L2HGDH: variants seen among roughly 807,000 people sequenced by gnomAD.
The protein encoded by L2HGDH is L-2-hydroxyglutarate dehydrogenase.
In L2HGDH, 34 loss-of-function variants were observed where a neutral mutation model predicts 51.5. That is an observed-to-expected ratio of 0.66 (90% CI 0.50 to 0.88). L2HGDH has a LOEUF of 0.88. Among genes scored for constraint, L2HGDH ranks in the 40% least tolerant of loss-of-function variants. The pLI is 0.00. For synonymous variants in L2HGDH, 198 were observed against 197.9 expected, an observed-to-expected ratio of 1.00 and a Z score of -0.01; for missense variants, 558 against 571.9, an observed-to-expected ratio of 0.98 and a Z score of 0.25.
chr14:50,276,167 A>C (rs995321033), intron 6 of L2HGDH, among the ~76,000 whole-genome samples: 1 of 152,240 alleles, frequency 6.6e-6, no homozygotes, highest in African/African-American at 2.4e-5. Flanking sequence ...AAGTTACTGG[A>C]AACTACCTCG....
intron 1 of L2HGDH, among the ~76,000 whole-genome samples, chr14:50,310,928 TTTC>T (rs1442537467): frequency 2.8e-5 from 4 of 143,404 alleles, no homozygotes; most frequent in Non-Finnish European, 6.0e-5. Flanking sequence ...CTTTTTTTCT[TTTC>T]TTTTCTTTTT....
At position 50,252,940 on chromosome 14, in the gene L2HGDH, T is replaced by C. The variant is rs896036004; in HGVS notation, c.1197-5687A>G. Among the ~76,000 whole-genome samples the C allele has an allele frequency of 2.6e-5, 4 of 152,236 alleles. No homozygotes were observed. In the South Asian group the frequency reaches 6.2e-4, roughly 24 times the overall value. On this transcript the variant is annotated intron_variant, in intron 9 of 9. Transcript: ENST00000267436. ...TGCACTACAGAACAAATAGACCTAA[T>C]AGTTATTTACAGAACATTTCATCCA...
chr14:50,291,211 A>C (rs1441178378), intron 4 of L2HGDH, among the ~76,000 whole-genome samples: 5 of 151,234 alleles, frequency 3.3e-5, no homozygotes, highest in South Asian at 2.1e-4. Flanking sequence ...AAAAAAAAAA[A>C]AAAAAAAAAA....
chr14:50,290,008 G>A (rs1223584892), intron 4 of L2HGDH, among the ~76,000 whole-genome samples: 2 of 152,160 alleles, frequency 1.3e-5, no homozygotes, highest in Non-Finnish European at 2.9e-5. Flanking sequence ...GCTCACGCCT[G>A]TAATCCTAGC....
intron 9 of L2HGDH, 48 bp downstream of exon 9, chr14:50,265,310 T>G: frequency 6.5e-7 from 1 of 1,545,404 alleles, no homozygotes; most frequent in Non-Finnish European, 8.9e-7. Context: ...ACCTCTCAAG[T>G]TCACATAGGT....
intron 1 of L2HGDH, among the ~76,000 whole-genome samples, chr14:50,307,281 G>A (rs2030788294): frequency 6.6e-6 from 1 of 152,116 alleles, no homozygotes; most frequent in Admixed American, 6.5e-5. Flanking sequence ...CTATCATACT[G>A]AATATGCTTT....
At chr14:50,268,310 T>C (rs866766075) in intron 7 of L2HGDH, among the ~76,000 whole-genome samples, 1 of 144,930 alleles carries the variant, frequency 6.9e-6, no homozygotes, top group Non-Finnish European at 1.5e-5. Context: ...ACCCAGGAGA[T>C]GGAGGTTGCA....
rs186029584 is a variant in L2HGDH, at chr14:50,271,874, C to T, written c.739-2544G>A. On this transcript the variant is annotated intron_variant, in intron 6 of 9. Transcript: ENST00000267436. ...AAAAATCCCTGGCCAGGCGCAGTGGCTCACACCTGTAATCCCAGCACTCTG... is the reference window on the plus strand; with the variant it reads ...AAAAATCCCTGGCCAGGCGCAGTGGTTCACACCTGTAATCCCAGCACTCTG... Among the ~76,000 whole-genome samples, 285 of 152,334 alleles carry T rather than the reference C, an allele frequency of 1.9e-3. 2 individuals are homozygous for T. The highest frequency in any genetic ancestry group is 4.5e-3 in the African/African-American group (187 of 41,578).
At chr14:50,251,606 A>G (rs1024164445) in intron 9 of L2HGDH, among the ~76,000 whole-genome samples, 2 of 152,154 alleles carry the variant, frequency 1.3e-5, no homozygotes, top group African/African-American at 2.4e-5. Context: ...GGATAAAGAA[A>G]GAATTCTAAA....
intron 4 of L2HGDH, among the ~76,000 whole-genome samples, chr14:50,292,877 T>C (rs1410831518): frequency 1.3e-5 from 2 of 149,812 alleles, no homozygotes; most frequent in East Asian, 2.0e-4. Flanking sequence ...AAAGAGAGAC[T>C]GCATCTCAAA....
At chr14:50,282,929 C>T (rs940937266) in intron 5 of L2HGDH, among the ~76,000 whole-genome samples, 3 of 151,914 alleles carry the variant, frequency 2.0e-5, no homozygotes, top group African/African-American at 7.3e-5. Context: ...GTAATCCTAG[C>T]ACTTTGGGAG....
intron 3 of L2HGDH, among the ~76,000 whole-genome samples, chr14:50,294,977 T>A (rs574343766): frequency 6.6e-6 from 1 of 152,304 alleles, no homozygotes; most frequent in South Asian, 2.1e-4. Flanking sequence ...AATCAAGGTA[T>A]AAAGGCTATT....
In L2HGDH at chr14:50,242,985, C is replaced by T. The variant is rs1416161165; in HGVS notation, c.*4073G>A. 2 of 985,324 alleles carry T rather than the reference C, an allele frequency of 2.0e-6. No individual in the cohort carries two copies. Among genetic ancestry groups the T allele is most frequent in the Non-Finnish European group, 2.4e-6 (2 of 829,964 alleles). The allele number at this position is 985,324 out of a possible 1,614,324, so 61.0% of individuals were successfully genotyped here. On this transcript the variant is annotated 3_prime_UTR_variant, in exon 10 of 10. Coordinates refer to ENST00000267436, the MANE Select transcript of L2HGDH (RefSeq NM_024884.3). Reference sequence around the variant, plus strand: ...CCTCCAAAAGTAGGCCCTACAAACTCCCGTAGGCCAGGGCCTGGCAGTATA... The same window carrying T: ...CCTCCAAAAGTAGGCCCTACAAACTTCCGTAGGCCAGGGCCTGGCAGTATA...
chr14:50,261,075 C>A (rs748924935), intron 9 of L2HGDH, among the ~76,000 whole-genome samples: 4 of 151,820 alleles, frequency 2.6e-5, no homozygotes, highest in Non-Finnish European at 5.9e-5. Context: ...CGAGATGGCA[C>A]CACTGCACTA....
intron 6 of L2HGDH, among the ~76,000 whole-genome samples, chr14:50,275,846 G>C (rs1431525469): frequency 6.6e-6 from 1 of 152,164 alleles, no homozygotes; most frequent in Non-Finnish European, 1.5e-5. Context: ...TCTACTACAT[G>C]AAATTTTTGC....
At position 50,250,838 on chromosome 14, in the gene L2HGDH, A is replaced by G. The variant is rs185804507; in HGVS notation, c.1197-3585T>C. The stretch of plus-strand genomic sequence containing the variant: ...CCTCTACAAGTCTACAAAAGACACA[A>G]TGTTATTGGGCTTGTTACCCAAGTC... On this transcript the variant is annotated intron_variant, in intron 9 of 9. Coordinates refer to ENST00000267436, the MANE Select transcript of L2HGDH (RefSeq NM_024884.3). Among the ~76,000 whole-genome samples, 41 of 152,342 alleles carry G rather than the reference A, an allele frequency of 2.7e-4. 2 individuals carry two copies. The highest frequency in any genetic ancestry group is 9.4e-4 in the African/African-American group (39 of 41,582).
At chr14:50,308,118 C>A (rs551656057) in intron 1 of L2HGDH, among the ~76,000 whole-genome samples, 1 of 152,198 alleles carries the variant, frequency 6.6e-6, no homozygotes, top group Non-Finnish European at 1.5e-5. Context: ...AGGCCGGGTG[C>A]GATGGCTCAC....
intron 1 of L2HGDH, among the ~76,000 whole-genome samples, chr14:50,310,783 C>T (rs948328565): frequency 6.6e-6 from 1 of 151,960 alleles, no homozygotes; most frequent in Non-Finnish European, 1.5e-5. Context: ...GAAAAGCTTC[C>T]CAAAAGAACT....
intron 9 of L2HGDH, among the ~76,000 whole-genome samples, chr14:50,259,170 G>A (rs1888848068): frequency 6.6e-6 from 1 of 151,282 alleles, no homozygotes; most frequent in African/African-American, 2.4e-5. Context: ...TTATTTTTTA[G>A]ACATGTTGTC....
Sources: gnomAD v4.1 joint callset for allele counts (sites outside exome capture counted in the v4.1 genomes callset) on GRCh38, gnomAD v4.1.1 for gene constraint, MANE v1.5 for transcripts, NCBI Gene and HGNC (gene_info 2026-07-23, HGNC 2026-07-21) for gene names.